Variants in RANBP17 observed in about 807,000 individuals in gnomAD.
RANBP17 encodes the protein ran-binding protein 17.
Under a neutral mutation model 141.2 loss-of-function variants are expected in RANBP17, and 158 were observed. That is an observed-to-expected ratio of 1.12 (90% CI 0.98 to 1.28). The LOEUF (loss-of-function observed/expected upper bound fraction) is 1.28, where lower values mean the gene tolerates loss of function less well. Among genes scored for constraint, RANBP17 ranks in the 50% most tolerant of loss-of-function variants. The pLI is 0.00. For synonymous variants in RANBP17, 430 were observed against 450.0 expected (o/e 0.96, Z 0.56); for missense variants, 1,438 against 1,290.7 (o/e 1.11, Z -1.75).
At chr5:171,010,666 ATG>A (rs1779969739) in intron 14 of RANBP17, among the ~76,000 whole-genome samples, 1 of 152,150 alleles carries the variant, frequency 6.6e-6, no homozygotes. Flanking sequence ...AGGGGGAAAA[ATG>A]AGGAAATTCC....
intron 24 of RANBP17, among the ~76,000 whole-genome samples, chr5:171,251,162 C>T (rs1765534348): frequency 6.6e-6 from 1 of 152,154 alleles, no homozygotes; most frequent in African/African-American, 2.4e-5. Flanking sequence ...GGTCATGGCT[C>T]AGTGCAGCCT....
At chr5:171,011,126 C>T (rs1780006569) in intron 14 of RANBP17, among the ~76,000 whole-genome samples, 1 of 152,064 alleles carries the variant, frequency 6.6e-6, no homozygotes, top group East Asian at 1.9e-4. Context: ...TAACATCTCT[C>T]ATGAGCACAA....
At chr5:171,071,683 A>G (rs1784643999) in intron 14 of RANBP17, among the ~76,000 whole-genome samples, 2 of 147,306 alleles carry the variant, frequency 1.4e-5, no homozygotes, top group East Asian at 2.0e-4. Context: ...AAGACCCTCA[A>G]TACGTCAACA....
chr5:170,943,257 T>C (rs1444321588), intron 12 of RANBP17, among the ~76,000 whole-genome samples: 3 of 152,198 alleles, frequency 2.0e-5, no homozygotes, highest in Non-Finnish European at 2.9e-5. Flanking sequence ...GCTCTTGTTA[T>C]GTGTGCTTTA....
chr5:171,230,127 G>A (rs1216470255), intron 22 of RANBP17, among the ~76,000 whole-genome samples: 2 of 152,152 alleles, frequency 1.3e-5, no homozygotes, highest in South Asian at 2.1e-4. Flanking sequence ...TCCAGCAGGG[G>A]AGTCGGACAA....
At chr5:170,938,931 A>G (rs878901231) in intron 12 of RANBP17, among the ~76,000 whole-genome samples, 6 of 152,176 alleles carry the variant, frequency 3.9e-5, no homozygotes, top group Admixed American at 3.9e-4. Context: ...TGAGTTCATC[A>G]ATACAGCAAG....
chr5:171,297,579 T>C (rs1280728528), intron 27 of RANBP17, among the ~76,000 whole-genome samples: 2 of 151,596 alleles, frequency 1.3e-5, no homozygotes, highest in Non-Finnish European at 2.9e-5. Flanking sequence ...CACTTCAAGA[T>C]CCTCTATCAC....
chr5:171,038,593 T>A (rs1782038257), intron 14 of RANBP17, among the ~76,000 whole-genome samples: 1 of 152,184 alleles, frequency 6.6e-6, no homozygotes, highest in Non-Finnish European at 1.5e-5. Flanking sequence ...TTGTCATAGA[T>A]GGCTTTTATT....
chr5:171,062,748 A>G (rs1427415358), intron 14 of RANBP17, among the ~76,000 whole-genome samples: 1 of 152,248 alleles, frequency 6.6e-6, no homozygotes, highest in Non-Finnish European at 1.5e-5. Context: ...AATATCCTGC[A>G]GAGTGTTTTC....
At chr5:171,246,284 T>C (rs373845139) in intron 24 of RANBP17, among the ~76,000 whole-genome samples, 1 of 152,232 alleles carries the variant, frequency 6.6e-6, no homozygotes, top group East Asian at 1.9e-4. Flanking sequence ...TGGTACTCTG[T>C]ACTACAAGTT....
chr5:171,286,889 T>C (rs1193454591), intron 25 of RANBP17, among the ~76,000 whole-genome samples: 1 of 152,140 alleles, frequency 6.6e-6, no homozygotes, highest in East Asian at 1.9e-4. Flanking sequence ...GATGGGTAGG[T>C]TTCTCTGCTT....
Position 171,299,329 on chromosome 5 carries a change from T to C in RANBP17, c.*471T>C, listed in dbSNP as rs1393992583. On this transcript the variant is annotated 3_prime_UTR_variant, in exon 28 of 28. Transcript: ENST00000523189. The stretch of plus-strand genomic sequence containing the variant: ...CTGGAAGAAGCAGCGTTAGGGACTT[T>C]GGGCTGTGAGCATTTAGAACGAGCC... 1.3e-5 allele frequency: 3 copies of C among 233,386 alleles called. No homozygotes were observed. Among genetic ancestry groups the C allele is most frequent in the Non-Finnish European group, 1.7e-5 (2 of 118,016 alleles). 14.5% of individuals were successfully genotyped at this position (233,386 alleles called of 1,614,324 possible).
chr5:171,046,507 A>G (rs1561588621), intron 14 of RANBP17, among the ~76,000 whole-genome samples: 1 of 152,046 alleles, frequency 6.6e-6, no homozygotes, highest in Non-Finnish European at 1.5e-5. Context: ...GTGCCCGGCC[A>G]GTTCTGCCTT....
chr5:171,136,363 C>T (rs767560624), intron 14 of RANBP17, among the ~76,000 whole-genome samples: 21 of 151,952 alleles, frequency 1.4e-4, no homozygotes, highest in Non-Finnish European at 2.1e-4. Flanking sequence ...GTTATATCTA[C>T]GTATTTTATA....
At chr5:171,015,880 C>T (rs1056059142) in intron 14 of RANBP17, among the ~76,000 whole-genome samples, 1 of 152,056 alleles carries the variant, frequency 6.6e-6, no homozygotes, top group African/African-American at 2.4e-5. Context: ...TATTTCTGGC[C>T]TTGTATGAAC....
chr5:170,946,527 A>G (rs1314156354), intron 12 of RANBP17, among the ~76,000 whole-genome samples: 1 of 152,158 alleles, frequency 6.6e-6, no homozygotes, highest in Non-Finnish European at 1.5e-5. Context: ...TTTGGTAGTT[A>G]TGTTATATAA....
In RANBP17 at chr5:171,256,805, GA is replaced by G. The variant is rs372648850; in HGVS notation, c.2777-8869del. Among the ~76,000 whole-genome samples the G allele has an allele frequency of 1.3e-3, 193 of 151,410 alleles. 9 individuals are homozygous for G. In the South Asian group the frequency reaches 0.039, roughly 30 times the overall value. ...ATATGCCCACCAACTAGAAAGCCTA[GA>G]AAAAAATGGATAAGTTCCTGGAAAC... On this transcript the variant is annotated intron_variant, in intron 24 of 27. Coordinates refer to ENST00000523189, the MANE Select transcript of RANBP17 (RefSeq NM_022897.5).
chr5:171,264,988 T>C (rs1216497197), intron 24 of RANBP17, among the ~76,000 whole-genome samples: 1 of 152,202 alleles, frequency 6.6e-6, no homozygotes, highest in African/African-American at 2.4e-5. Flanking sequence ...TTTGTCATTT[T>C]TACACAGCAT....
chr5:171,137,952 T>TAA (rs757199267), intron 14 of RANBP17, among the ~76,000 whole-genome samples: 18 of 127,734 alleles, frequency 1.4e-4, no homozygotes, highest in Admixed American at 3.8e-4. Context: ...ATATATGAGA[T>TAA]ATATATATAT....
Sources: gnomAD v4.1 joint callset for allele counts (sites outside exome capture counted in the v4.1 genomes callset) on GRCh38, gnomAD v4.1.1 for gene constraint, MANE v1.5 for transcripts, NCBI Gene and HGNC (gene_info 2026-07-23, HGNC 2026-07-21) for gene names.